The following KCNMB2 variants were observed in gnomAD, a reference collection of about 807,000 sequenced individuals.
The protein encoded by KCNMB2 is potassium calcium-activated channel subfamily M regulatory beta subunit 2, also known as calcium-activated potassium channel subunit beta-2.
In KCNMB2, 9 loss-of-function variants were observed where a neutral mutation model predicts 24.5. The ratio of observed to expected loss-of-function variants is 0.37; its 90% CI spans 0.22 to 0.64. The LOEUF is 0.64. KCNMB2 is among the 30% of genes least tolerant of loss of function. The probability of loss-of-function intolerance (pLI) is 0.63; values close to 1 mark genes in which losing one functional copy is unlikely to be tolerated. For missense variants in KCNMB2, 226 were observed against 284.3 expected (o/e 0.79, Z 1.47); for synonymous variants, 109 against 104.4 (o/e 1.04, Z -0.27).
intron 1 of KCNMB2, among the ~76,000 whole-genome samples, chr3:178,576,195 G>A (rs1055587716): frequency 6.6e-6 from 1 of 151,830 alleles, no homozygotes; most frequent in Non-Finnish European, 1.5e-5. Flanking sequence ...CCCACGGAGG[G>A]CAAGCAGAAG....
intron 1 of KCNMB2, among the ~76,000 whole-genome samples, chr3:178,625,184 G>C (rs1719068650): frequency 6.6e-6 from 1 of 152,040 alleles, no homozygotes; most frequent in Non-Finnish European, 1.5e-5. Flanking sequence ...GCACCTCTTG[G>C]GGTCCCTGAA....
chr3:178,793,937 C>T (rs1204550321), intron 1 of KCNMB2, among the ~76,000 whole-genome samples: 2 of 152,080 alleles, frequency 1.3e-5, no homozygotes, highest in Non-Finnish European at 1.5e-5. Flanking sequence ...CAAGCAGAGA[C>T]CTTTCTGCAC....
chr3:178,824,850 T>C (rs192856951), intron 2 of KCNMB2, among the ~76,000 whole-genome samples: 2 of 152,338 alleles, frequency 1.3e-5, no homozygotes, highest in Admixed American at 6.5e-5. Context: ...CAGGAGACAG[T>C]TGATTTCAAT....
At chr3:178,774,315 T>A (rs1429264843) in intron 1 of KCNMB2, among the ~76,000 whole-genome samples, 1 of 151,496 alleles carries the variant, frequency 6.6e-6, no homozygotes, top group Non-Finnish European at 1.5e-5. Context: ...AGATACAAGG[T>A]GAAAAAAGAA....
rs767702847 is a variant in KCNMB2 at position 178,842,805 on chromosome 3, T to G, written c.576T>G (p.Ser192Arg). 3 of 1,613,880 alleles carry G rather than the reference T, an allele frequency of 1.9e-6. No homozygotes were observed. The highest frequency in any genetic ancestry group is 3.3e-5 in the Admixed American group (2 of 59,974). The part of the protein sequence containing the change: ...QKSVILTKLY[S>R]SNVLFHSLFW... ...GTGTTATCCTAACAAAACTCTACAG[T>G]TCCAACGTGCTGTTCCATTCACTCT... is the stretch of plus-strand genomic sequence containing the variant. Residue 192 changes from serine (S) to arginine (R), a missense_variant, in exon 5 of 5, where the codon AGT becomes AGG. Physicochemically the swap from Ser to Arg is moderately radical, Grantham distance 110. Transcript: ENST00000452583.
intron 4 of KCNMB2, among the ~76,000 whole-genome samples, chr3:178,834,861 AAAAG>A (rs1304358201): frequency 3.3e-5 from 5 of 152,042 alleles, no homozygotes; most frequent in African/African-American, 9.7e-5. Flanking sequence ...GTGTATAAGT[AAAAG>A]AAAGAATGTG....
intron 1 of KCNMB2, among the ~76,000 whole-genome samples, chr3:178,789,227 T>C (rs74921497): frequency 0.15 from 22,070 of 152,200 alleles, 1,892 homozygotes; most frequent in Admixed American, 0.18. Flanking sequence ...GTCATGATTA[T>C]ATGAGCAGCA....
chr3:178,813,114 T>A (rs1285872613), intron 2 of KCNMB2, among the ~76,000 whole-genome samples: 2 of 152,188 alleles, frequency 1.3e-5, no homozygotes, highest in Non-Finnish European at 2.9e-5. Context: ...AACCTCTACA[T>A]TGGTTTGTCT....
intron 1 of KCNMB2, among the ~76,000 whole-genome samples, chr3:178,635,487 G>A (rs1165786364): frequency 6.6e-6 from 1 of 151,596 alleles, no homozygotes; most frequent in Non-Finnish European, 1.5e-5. Context: ...CGGGCAGAGG[G>A]AAAAACAACA....
intron 1 of KCNMB2, among the ~76,000 whole-genome samples, chr3:178,732,272 T>G (rs2108368460): frequency 6.6e-6 from 1 of 152,278 alleles, no homozygotes. Context: ...CTACAGTAGG[T>G]TTTTATTATT....
chr3:178,615,969 C>T (rs969065353), intron 1 of KCNMB2, among the ~76,000 whole-genome samples: 2 of 152,062 alleles, frequency 1.3e-5, no homozygotes, highest in African/African-American at 2.4e-5. Flanking sequence ...CATCTGGGGG[C>T]TAGGGCCTGG....
intron 1 of KCNMB2, among the ~76,000 whole-genome samples, chr3:178,672,140 C>G (rs1720921405): frequency 6.6e-6 from 1 of 152,218 alleles, no homozygotes; most frequent in Non-Finnish European, 1.5e-5. Flanking sequence ...GGAAATAACA[C>G]AAGCATGAAG....
At chr3:178,629,431 G>T (rs544786140) in intron 1 of KCNMB2, among the ~76,000 whole-genome samples, 3 of 152,140 alleles carry the variant, frequency 2.0e-5, no homozygotes, top group Admixed American at 1.3e-4. Flanking sequence ...AGTCTGAGGC[G>T]CTGGGTAAAG....
intron 1 of KCNMB2, among the ~76,000 whole-genome samples, chr3:178,586,841 G>A (rs917734933): frequency 2.0e-5 from 3 of 151,836 alleles, no homozygotes; most frequent in African/African-American, 4.8e-5. Context: ...CACTATGCCC[G>A]GCCCAAAATG....
rs1401522288 is a variant in KCNMB2 at position 178,680,720 on chromosome 3, C to CA, written c.-67-126622dup. Among the ~76,000 whole-genome samples, 4 of 152,306 alleles carry CA rather than the reference C, an allele frequency of 2.6e-5. No individual in the cohort carries two copies. The East Asian group carries it at 7.7e-4, about 29-fold the overall frequency. The stretch of plus-strand genomic sequence containing the variant: ...CGCTCTCCTGGTTTTGCTCACTCCT[C>CA]ATTCAACAACCTTGCTCAGTGTGAC... On this transcript the variant is annotated intron_variant, in intron 1 of 4. Coordinates refer to ENST00000452583, the MANE Select transcript of KCNMB2 (RefSeq NM_181361.3).
chr3:178,583,273 T>C (rs1188571398), intron 1 of KCNMB2, among the ~76,000 whole-genome samples: 1 of 152,224 alleles, frequency 6.6e-6, no homozygotes, highest in Admixed American at 6.5e-5. Context: ...TAAAGTATGA[T>C]CTATTTGTTA....
At chr3:178,823,420 C>T (rs944049143) in intron 2 of KCNMB2, among the ~76,000 whole-genome samples, 4 of 152,100 alleles carry the variant, frequency 2.6e-5, no homozygotes, top group Non-Finnish European at 5.9e-5. Flanking sequence ...TAAACAAAGG[C>T]CTGTATTTAG....
intron 1 of KCNMB2, among the ~76,000 whole-genome samples, chr3:178,591,554 A>G (rs1717674626): frequency 6.6e-6 from 1 of 152,156 alleles, no homozygotes; most frequent in Admixed American, 6.6e-5. Context: ...AGAAACCCAC[A>G]TTGAAGAAGG....
chr3:178,645,871 A>G (rs1429015461), intron 1 of KCNMB2, among the ~76,000 whole-genome samples: 2 of 152,154 alleles, frequency 1.3e-5, no homozygotes, highest in East Asian at 3.9e-4. Flanking sequence ...ATTACCTTTT[A>G]ATGGAATAAA....
Sources: allele counts gnomAD v4.1 joint callset (sites outside exome capture counted in the v4.1 genomes callset), GRCh38; gene constraint gnomAD v4.1.1; transcripts MANE v1.5; gene names NCBI Gene and HGNC (gene_info 2026-07-23, HGNC 2026-07-21).